HDGFL2: variants seen among roughly 807,000 people sequenced by gnomAD.
HDGFL2 encodes the protein hepatoma-derived growth factor-related protein 2.
A neutral mutation model predicts 77.1 loss-of-function variants in HDGFL2; 36 were observed. That is an observed-to-expected ratio of 0.47 (90% CI 0.36 to 0.62). HDGFL2 has a LOEUF of 0.62. Ranked by LOEUF, HDGFL2 falls within the 20% of genes least tolerant of loss-of-function variation. The pLI, the probability that HDGFL2 is intolerant of heterozygous loss-of-function variation, is 0.00. For synonymous variants in HDGFL2, 463 were observed against 413.1 expected (o/e 1.12, Z -1.46); for missense variants, 976 against 973.4 (o/e 1.00, Z -0.04).
chr19:4,491,498 C>G, intron 4 of HDGFL2, 68 bp from the exon 5 acceptor site: 1 of 1,395,838 alleles, frequency 7.2e-7, no homozygotes, highest in Non-Finnish European at 1.0e-6. Flanking sequence ...GGTGGGCAGT[C>G]AGCTGGGGGC....
At chr19:4,481,937 C>T (rs1476773159) in intron 3 of HDGFL2, among the ~76,000 whole-genome samples, 2 of 152,010 alleles carry the variant, frequency 1.3e-5, no homozygotes, top group African/African-American at 4.8e-5. Context: ...TTTAGTCACA[C>T]CCCCTGCCCT....
chr19:4,486,664 CCT>C (rs776171857), intron 3 of HDGFL2, among the ~76,000 whole-genome samples: 3 of 152,042 alleles, frequency 2.0e-5, no homozygotes, highest in Non-Finnish European at 2.9e-5. Context: ...ATGGTGAAAC[CCT>C]GTCTCTACTA....
At chr19:4,482,985 C>G (rs1022425139) in intron 3 of HDGFL2, among the ~76,000 whole-genome samples, 2 of 152,150 alleles carry the variant, frequency 1.3e-5, no homozygotes, top group African/African-American at 4.8e-5. Flanking sequence ...ACTCCCCACC[C>G]CCAGCGCTTG....
At chr19:4,475,720 C>G (rs1194756203) in intron 3 of HDGFL2, 137 bp downstream of exon 3, 1 of 1,115,178 alleles carries the variant, frequency 9.0e-7, no homozygotes, top group Admixed American at 3.2e-5. Context: ...CTGGGCCCTG[C>G]AGGTGCTGAG....
chr19:4,493,364 G>C (rs1975600211), intron 6 of HDGFL2, among the ~76,000 whole-genome samples: 1 of 151,632 alleles, frequency 6.6e-6, no homozygotes, highest in Admixed American at 6.6e-5. Flanking sequence ...GGAGGCGGTA[G>C]AGCACGGCAG....
At chr19:4,486,976 T>G (rs559741903) in intron 3 of HDGFL2, among the ~76,000 whole-genome samples, 1 of 152,140 alleles carries the variant, frequency 6.6e-6, no homozygotes, top group African/African-American at 2.4e-5. Flanking sequence ...CTCTCTCTTT[T>G]TTTTTTTGAG....
intron 14 of HDGFL2, among the ~76,000 whole-genome samples, chr19:4,500,452 A>ATTTTTTTTTT (rs67297373): frequency 1.5e-4 from 13 of 88,704 alleles, no homozygotes; most frequent in Admixed American, 1.0e-3. Flanking sequence ...TGCCCTGCTA[A>ATTTTTTTTTT]TTTTTTTTTT....
intron 3 of HDGFL2, among the ~76,000 whole-genome samples, chr19:4,478,079 C>CAAAA (rs1160351990): frequency 2.5e-5 from 2 of 78,588 alleles, no homozygotes; most frequent in Non-Finnish European, 5.0e-5. Context: ...GACTCTGTCT[C>CAAAA]AAAAAAAAAA....
intron 1 of HDGFL2, among the ~76,000 whole-genome samples, chr19:4,473,891 C>G: frequency 6.6e-6 from 1 of 151,876 alleles, no homozygotes; most frequent in Middle Eastern, 3.4e-3. Flanking sequence ...GAGACAGGCC[C>G]GGGCCCAGGG....
Position 4,490,878 on chromosome 19 carries a change from C to T in HDGFL2, c.490-688C>T, listed in dbSNP as rs569225231. 1.7e-3 allele frequency among the ~76,000 whole-genome samples: 264 copies of T among 151,556 alleles called. 1 individual carries two copies. Among genetic ancestry groups the T allele is most frequent in the African/African-American group, 5.4e-3 (222 of 41,282 alleles). On this transcript the variant is annotated intron_variant, in intron 4 of 15. Coordinates refer to ENST00000616600, the MANE Select transcript of HDGFL2 (RefSeq NM_001001520.3). Reference sequence around the variant, plus strand: ...CCAGGCTGGAGTGTGATGGCGCAATCTCGGCTCACCGCAACCTCTGCCTCC... The same window carrying T: ...CCAGGCTGGAGTGTGATGGCGCAATTTCGGCTCACCGCAACCTCTGCCTCC...
chr19:4,482,425 A>C (rs965235427), intron 3 of HDGFL2, among the ~76,000 whole-genome samples: 3 of 151,734 alleles, frequency 2.0e-5, no homozygotes, highest in African/African-American at 7.3e-5. Context: ...GGCCAGGCTG[A>C]TCTCGAACTC....
At chr19:4,490,250 G>A (rs1975472742) in intron 4 of HDGFL2, among the ~76,000 whole-genome samples, 1 of 152,132 alleles carries the variant, frequency 6.6e-6, no homozygotes, top group Admixed American at 6.6e-5. Context: ...ACCACGTCCG[G>A]CTAATTTTGT....
chr19:4,482,859 G>A (rs564301066), intron 3 of HDGFL2, among the ~76,000 whole-genome samples: 1 of 152,220 alleles, frequency 6.6e-6, no homozygotes, highest in South Asian at 2.1e-4. Flanking sequence ...TGGGTTCGTG[G>A]CACTCACCAG....
At chr19:4,484,686 T>TTTTTTTA (rs1975315316) in intron 3 of HDGFL2, among the ~76,000 whole-genome samples, 1 of 83,190 alleles carries the variant, frequency 1.2e-5, no homozygotes, top group Non-Finnish European at 2.4e-5. Flanking sequence ...TTTTTTTTTT[T>TTTTTTTA]TTTGACACGG....
At chr19:4,494,554 C>T (rs1297840421) in intron 9 of HDGFL2, 79 bp downstream of exon 9, 9 of 1,112,176 alleles carry the variant, frequency 8.1e-6, no homozygotes, top group East Asian at 6.4e-5. Flanking sequence ...AGGCAGTATC[C>T]CAGGTTCCGG....
intron 3 of HDGFL2, among the ~76,000 whole-genome samples, chr19:4,484,675 T>TTTTTTTC (rs1314085280): frequency 1.2e-5 from 1 of 84,988 alleles, no homozygotes; most frequent in Non-Finnish European, 2.4e-5. Context: ...AATTTTTTTT[T>TTTTTTTC]TTTTTTTTTT....
chr19:4,477,574 T>C (rs1388697135), intron 3 of HDGFL2, among the ~76,000 whole-genome samples: 1 of 152,218 alleles, frequency 6.6e-6, no homozygotes, highest in Admixed American at 6.6e-5. Context: ...GGTTCCGTCC[T>C]GAGCTCATTA....
At chr19:4,499,725 G>C (rs1975808893) in intron 14 of HDGFL2, 21 bp downstream of exon 14, 6 of 1,440,476 alleles carry the variant, frequency 4.2e-6, no homozygotes, top group Non-Finnish European at 5.7e-6. Context: ...GGTGGGGTGG[G>C]CCCTGTACCT....
intron 3 of HDGFL2, among the ~76,000 whole-genome samples, chr19:4,485,731 G>A (rs1269704259): frequency 6.7e-6 from 1 of 148,384 alleles, no homozygotes; most frequent in Non-Finnish European, 1.5e-5. Flanking sequence ...GACAGAGCGA[G>A]ACTCCGTCTC....
Sources: gnomAD v4.1 joint callset for allele counts (sites outside exome capture counted in the v4.1 genomes callset) on GRCh38, gnomAD v4.1.1 for gene constraint, MANE v1.5 for transcripts, NCBI Gene and HGNC (gene_info 2026-07-23, HGNC 2026-07-21) for gene names.